LYVE1: variants seen among roughly 807,000 people sequenced by gnomAD.
The protein encoded by LYVE1 is lymphatic vessel endothelial hyaluronan receptor 1, also known as lymphatic vessel endothelial hyaluronic acid receptor 1.
Under a neutral mutation model 31.5 loss-of-function variants are expected in LYVE1, and 29 were observed. The ratio of observed to expected loss-of-function variants is 0.92; its 90% confidence interval spans 0.69 to 1.26. The LOEUF (loss-of-function observed/expected upper bound fraction) is 1.26, where lower values mean the gene tolerates loss of function less well. LYVE1 is among the 50% of genes most tolerant of loss of function. LYVE1 has a pLI of 0.00. For missense variants in LYVE1, 376 were observed against 380.2 expected, an observed-to-expected ratio of 0.99 and a Z score of 0.09; for synonymous variants, 134 against 139.4, an observed-to-expected ratio of 0.96 and a Z score of 0.27.
intron 1 of LYVE1, among the ~76,000 whole-genome samples, chr11:10,565,026 T>C (rs1850507954): frequency 6.6e-6 from 1 of 152,216 alleles, no homozygotes; most frequent in South Asian, 2.1e-4. Context: ...GCTAGCTCTG[T>C]GACCTTAGCC....
intron 3 of LYVE1, among the ~76,000 whole-genome samples, chr11:10,563,626 T>G (rs1850475713): frequency 6.6e-6 from 1 of 152,186 alleles, no homozygotes; most frequent in African/African-American, 2.4e-5. Context: ...CCATAATGGA[T>G]GCATTACATA....
rs139507300 is a variant in LYVE1 at position 10,562,330 on chromosome 11, G to A, written c.398-1530C>T. On this transcript the variant is annotated intron_variant, in intron 3 of 5. Coordinates refer to ENST00000256178, the MANE Select transcript of LYVE1 (RefSeq NM_006691.4). ...TTGATTCTGCCACTAACTGACCGTA[G>A]GACCTTGAACAAGCTAAGCCCGTGT... 9.1e-4 allele frequency among the ~76,000 whole-genome samples: 138 copies of A among 152,322 alleles called. 3 individuals are homozygous for A. In the East Asian group the frequency reaches 0.024, roughly 26 times the overall value.
At chr11:10,563,654 C>A (rs147334280) in intron 3 of LYVE1, among the ~76,000 whole-genome samples, 86 of 152,288 alleles carry the variant, frequency 5.6e-4, no homozygotes, top group African/African-American at 2.0e-3. Flanking sequence ...ACCTTTGTTC[C>A]TTCCCTTCTG....
chr11:10,566,576 T>C (rs751413046), intron 1 of LYVE1, among the ~76,000 whole-genome samples: 21 of 152,208 alleles, frequency 1.4e-4, no homozygotes, highest in Non-Finnish European at 2.8e-4. Flanking sequence ...AGGTCTCTTA[T>C]AGCTACTTCT....
chr11:10,567,243 C>G (rs1331519238), intron 1 of LYVE1, among the ~76,000 whole-genome samples: 1 of 152,172 alleles, frequency 6.6e-6, no homozygotes, highest in Non-Finnish European at 1.5e-5. Flanking sequence ...TATTCACTTA[C>G]CTTCATCAAC....
rs1472928993 is a variant in LYVE1 at position 10,557,827 on chromosome 11, A to G, written c.*1284T>C. 2 of 152,218 alleles carry G rather than the reference A, an allele frequency of 1.3e-5. No homozygotes were observed. The highest frequency in any genetic ancestry group is 6.5e-5 in the Admixed American group (1 of 15,276). 9.4% of individuals were successfully genotyped at this position (152,218 alleles called of 1,614,324 possible). On this transcript the variant is annotated 3_prime_UTR_variant, in exon 6 of 6. Transcript: ENST00000256178. ...GATCTGGTCCTCACTTTAATTTTAC[A>G]TGAAAGGTATAATGCATCTACGTAA...
chr11:10,561,804 G>A (rs1443276950), intron 3 of LYVE1, among the ~76,000 whole-genome samples: 1 of 151,896 alleles, frequency 6.6e-6, no homozygotes, highest in Admixed American at 6.6e-5. Context: ...GTGGCAGTGG[G>A]TAGCATCAGC....
At position 10,564,252 on chromosome 11, in the gene LYVE1, C is replaced by A. The variant is rs79541972; in HGVS notation, c.208G>T (p.Gly70Cys). 15 of 1,614,136 alleles carry A rather than the reference C, an allele frequency of 9.3e-6. No homozygotes were observed. The highest frequency in any genetic ancestry group is 1.3e-5 in the African/African-American group (1 of 75,036). ...ACRLLGLSLA[G>C]KDQVETALKA... ...AAGGCTGTTTCAACTTGGTCCTTGCCGGCCAAACTTAGTCCCAGCAGCCTA... is the reference window on the plus strand; with the variant it reads ...AAGGCTGTTTCAACTTGGTCCTTGCAGGCCAAACTTAGTCCCAGCAGCCTA... The change falls in exon 2 of 6, where the codon GGC (glycine) becomes TGC (cysteine). Residue 70 changes from glycine to cysteine, a missense_variant. Gly to Cys is a radical substitution (Grantham distance 159). Transcript: ENST00000256178.
chr11:10,562,849 C>T (rs1250522534), intron 3 of LYVE1, among the ~76,000 whole-genome samples: 1 of 150,524 alleles, frequency 6.6e-6, no homozygotes, highest in Non-Finnish European at 1.5e-5. Context: ...GAATGTGGAA[C>T]AGTGGAAAGA....
At position 10,558,003 on chromosome 11, in the gene LYVE1, T is replaced by G. The variant is rs552888975; in HGVS notation, c.*1108A>C. The G allele has an allele frequency of 6.6e-6, 1 of 152,216 alleles. No individual in the cohort carries two copies. Among genetic ancestry groups the G allele is most frequent in the Non-Finnish European group, 1.5e-5 (1 of 68,032 alleles). 9.4% of individuals were successfully genotyped at this position (152,216 alleles called of 1,614,324 possible). On this transcript the variant is annotated 3_prime_UTR_variant, in exon 6 of 6. Transcript: ENST00000256178. ...GTGCTTTGGTATATAGAGGTAACAATGTACTTCTTAGGTATGTTAATAATA... is the reference window on the plus strand; with the variant it reads ...GTGCTTTGGTATATAGAGGTAACAAGGTACTTCTTAGGTATGTTAATAATA...
chr11:10,566,641 C>G (rs1012248055), intron 1 of LYVE1, among the ~76,000 whole-genome samples: 1 of 152,084 alleles, frequency 6.6e-6, no homozygotes, highest in African/African-American at 2.4e-5. Context: ...TCTTACTACC[C>G]TCTCATCATA....
chr11:10,563,932 A>G lies in LYVE1; in HGVS notation c.397+8T>C. 1.2e-6 allele frequency: 2 copies of G among 1,614,166 alleles called. No homozygotes were observed. The highest frequency in any genetic ancestry group is 1.7e-6 in the Non-Finnish European group (2 of 1,180,024). On this transcript the variant is annotated splice_region_variant and intron_variant, in intron 3 of 5. Transcript: ENST00000256178. ...ATGCCACGTGGAAAGGTTGCAGATC[A>G]GACTCACCAGATGAGTTGTAACAAT...
intron 5 of LYVE1, 35 bp from the exon 6 acceptor site, chr11:10,559,332 T>C: frequency 6.4e-7 from 1 of 1,559,500 alleles, no homozygotes; most frequent in Non-Finnish European, 8.8e-7. Context: ...AGTGAGAGAC[T>C]CTCACACATA....
chr11:10,566,218 T>C (rs11601688), intron 1 of LYVE1, among the ~76,000 whole-genome samples: 21,387 of 152,052 alleles, frequency 0.14, 1,867 homozygotes, highest in Non-Finnish European at 0.2. Flanking sequence ...CAAGCAACTC[T>C]TGTGCTTCAG....
intron 3 of LYVE1, 116 bp downstream of exon 3, chr11:10,563,824 A>G (rs1162473089): frequency 3.1e-6 from 4 of 1,310,960 alleles, no homozygotes; most frequent in Non-Finnish European, 4.3e-6. Context: ...CGGGAGAATT[A>G]GATGGCCGTG....
chr11:10,563,379 C>T (rs572477899), intron 3 of LYVE1, among the ~76,000 whole-genome samples: 1 of 152,168 alleles, frequency 6.6e-6, no homozygotes, highest in South Asian at 2.1e-4. Context: ...AATAACAATA[C>T]AACAATAAAA....
rs965423708 is a variant in LYVE1 at position 10,558,879 on chromosome 11, G to T, written c.*232C>A. 2.1e-6 allele frequency: 1 copy of T among 473,234 alleles called. No homozygotes were observed. Among genetic ancestry groups the T allele is most frequent in the Non-Finnish European group, 3.7e-6 (1 of 270,146 alleles). The allele number at this position is 473,234 out of a possible 1,614,324, so 29.3% of individuals were successfully genotyped here. ...AGGACATAGCCAGGCTAGAAAGGCC[G>T]TGGGAAGCTTTGGAGGTAGGAGGAT... On this transcript the variant is annotated 3_prime_UTR_variant, in exon 6 of 6. Transcript: ENST00000256178.
chr11:10,560,948 A>T (rs767662601), intron 3 of LYVE1, 148 bp from the exon 4 acceptor site: 1 of 659,200 alleles, frequency 1.5e-6, no homozygotes, highest in Non-Finnish European at 2.6e-6. Flanking sequence ...TTTCTTCCTT[A>T]GAAGCCTTCA....
At chr11:10,559,926 C>A (rs750367525) in intron 4 of LYVE1, 32 bp from the exon 5 acceptor site, 1 of 1,490,598 alleles carries the variant, frequency 6.7e-7, no homozygotes, top group Non-Finnish European at 9.4e-7. Flanking sequence ...CCTGTTGGTC[C>A]TTCACTTAAA....
Sources: gnomAD v4.1 joint callset for allele counts (sites outside exome capture counted in the v4.1 genomes callset) on GRCh38, gnomAD v4.1.1 for gene constraint, MANE v1.5 for transcripts, NCBI Gene and HGNC (gene_info 2026-07-23, HGNC 2026-07-21) for gene names.